VGLL1: variants seen among roughly 807,000 people sequenced by gnomAD.
VGLL1 encodes vestigial like family member 1, also known as transcription cofactor vestigial-like protein 1.
A neutral mutation model predicts 12.0 loss-of-function variants in VGLL1; 4 were observed. That is an observed-to-expected ratio of 0.33 (90% CI 0.16 to 0.76). The LOEUF is 0.76. VGLL1 is among the 30% of genes least tolerant of loss of function. The probability of loss-of-function intolerance (pLI) is 0.60; values close to 1 mark genes in which losing one functional copy is unlikely to be tolerated. For missense variants in VGLL1, 204 were observed against 208.7 expected, an observed-to-expected ratio of 0.98 and a Z score of 0.14; for synonymous variants, 87 against 81.2, an observed-to-expected ratio of 1.07 and a Z score of -0.39.
chrX:136,543,578 G>A lies in VGLL1; in HGVS notation c.215-5011G>A, dbSNP rs1425254056. On this transcript the variant is annotated intron_variant, in intron 2 of 4. Coordinates refer to ENST00000370634, the MANE Select transcript of VGLL1 (RefSeq NM_016267.4). Reference sequence around the variant, plus strand: ...TCAAAACCAGACTGGGCAACATAGAGAGACCCTGTCTCTACAAAAATATTT... The same window carrying A: ...TCAAAACCAGACTGGGCAACATAGAAAGACCCTGTCTCTACAAAAATATTT... 1.8e-5 allele frequency among the ~76,000 whole-genome samples: 2 copies of A among 110,946 alleles called. 1 individual carries two copies.
intron 3 of VGLL1, among the ~76,000 whole-genome samples, chrX:136,549,803 C>A (rs2075880634): frequency 8.9e-6 from 1 of 111,734 alleles, no homozygotes; most frequent in Admixed American, 9.5e-5. Context: ...TCAACCTACT[C>A]TGTTGCAAGA....
At chrX:136,545,931 G>T (rs749477145) in intron 2 of VGLL1, among the ~76,000 whole-genome samples, 1 of 111,768 alleles carries the variant, frequency 8.9e-6, no homozygotes, top group Admixed American at 9.4e-5. Context: ...TTTGTCTCAG[G>T]ACCAACAGCA....
chrX:136,556,521 A>C lies in VGLL1; in HGVS notation c.759A>C (p.Arg253=), dbSNP rs1171319897. The C allele has an allele frequency of 1.7e-6, 2 of 1,210,778 alleles. No homozygotes were observed. Among genetic ancestry groups the C allele is most frequent in the Non-Finnish European group, 2.2e-6 (2 of 894,552 alleles). The change falls in exon 5 of 5, where the codon CGA becomes CGC. Residue 253 remains arginine, a synonymous_variant. Transcript: ENST00000370634. ...TPPNHWGHPH[R]YLQHL ...CAAACCACTGGGGCCACCCACATCG[A>C]TACCTGCAGCATCTTTAGTCAAGTT... is the stretch of plus-strand genomic sequence containing the variant.
chrX:136,545,948 A>G (rs1161369616), intron 2 of VGLL1, among the ~76,000 whole-genome samples: 1 of 111,654 alleles, frequency 9.0e-6, no homozygotes, highest in Non-Finnish European at 1.9e-5. Flanking sequence ...AGCATCAGGA[A>G]TTCTAGAGGG....
At chrX:136,554,459 A>T (rs1282923910) in intron 4 of VGLL1, among the ~76,000 whole-genome samples, 1 of 111,358 alleles carries the variant, frequency 9.0e-6, no homozygotes, top group African/African-American at 3.3e-5. Context: ...AGAGGTAGGC[A>T]GGGGCCAGGT....
At chrX:136,532,597 C>A (rs1295835579) in intron 1 of VGLL1, among the ~76,000 whole-genome samples, 83 of 74,837 alleles carry the variant, frequency 1.1e-3, no homozygotes, top group African/African-American at 2.7e-3. Flanking sequence ...TTCTTTCTTT[C>A]TTTCTTTCTT....
intron 2 of VGLL1, among the ~76,000 whole-genome samples, chrX:136,541,675 A>G (rs2075856400): frequency 8.9e-6 from 1 of 112,094 alleles, no homozygotes; most frequent in African/African-American, 3.2e-5. Context: ...CAGCTAGGCC[A>G]TTCCAAGGAG....
Position 136,536,250 on chromosome X carries a change from G to A in VGLL1, c.214+16G>A, listed in dbSNP as rs373227402. The A allele has an allele frequency of 2.0e-5, 24 of 1,198,222 alleles. No individual in the cohort carries two copies. Among genetic ancestry groups the A allele is most frequent in the Non-Finnish European group, 2.4e-5 (21 of 886,379 alleles). ...CTGAAAAACGGTGAGCATGTGGGGA[G>A]GGAGGGAGCTGGGATTCCCTATCAA... On this transcript the variant is annotated intron_variant, in intron 2 of 4. Transcript: ENST00000370634.
chrX:136,547,658 T>C (rs752676381), intron 2 of VGLL1, among the ~76,000 whole-genome samples: 1 of 111,682 alleles, frequency 9.0e-6, no homozygotes, highest in South Asian at 3.7e-4. Context: ...CACAGGTAAG[T>C]GTTAAGCCCT....
intron 2 of VGLL1, among the ~76,000 whole-genome samples, chrX:136,539,264 C>A (rs902262426): frequency 8.9e-6 from 1 of 111,851 alleles, no homozygotes; most frequent in Non-Finnish European, 1.9e-5. Context: ...CAACTCTTGG[C>A]CTATTGCCCC....
intron 2 of VGLL1, among the ~76,000 whole-genome samples, chrX:136,544,981 A>C (rs1176457059): frequency 8.9e-6 from 1 of 112,284 alleles, no homozygotes; most frequent in Non-Finnish European, 1.9e-5. Context: ...TGAGTGTTGC[A>C]AACCAGTAAA....
chrX:136,548,606 A>G lies in VGLL1; in HGVS notation c.232A>G (p.Asn78Asp). ...CTTCTCAGATGATAGCATGTCTCCA[A>G]ATCAGTGGCGTTACTCGTCTCCATG... The part of the protein sequence containing the change: ...MLKNDDSMSP[N>D]QWRYSSPWTK... The change falls in exon 3 of 5, where the codon AAT (asparagine) becomes GAT (aspartate). Residue 78 changes from asparagine (N) to aspartate (D), a missense_variant. Physicochemically the swap from Asn to Asp is conservative, Grantham distance 23. Coordinates refer to ENST00000370634, the MANE Select transcript of VGLL1 (RefSeq NM_016267.4). 1 of 1,211,298 alleles carries G rather than the reference A, an allele frequency of 8.3e-7. No homozygotes were observed. The highest frequency in any genetic ancestry group is 1.1e-6 in the Non-Finnish European group (1 of 895,109).
At chrX:136,533,325 G>A (rs922581572) in intron 1 of VGLL1, among the ~76,000 whole-genome samples, 1 of 110,834 alleles carries the variant, frequency 9.0e-6, no homozygotes, top group African/African-American at 3.3e-5. Flanking sequence ...AATTGCCCAC[G>A]GACTGAGCTC....
chrX:136,543,691 G>A (rs1273052892), intron 2 of VGLL1, among the ~76,000 whole-genome samples: 2 of 109,680 alleles, frequency 1.8e-5, no homozygotes, highest in African/African-American at 3.3e-5. Flanking sequence ...TTGAGCCTGG[G>A]GAAACTGAGG....
chrX:136,553,084 G>A (rs2075891078), intron 4 of VGLL1, among the ~76,000 whole-genome samples: 1 of 110,999 alleles, frequency 9.0e-6, no homozygotes, highest in African/African-American at 3.3e-5. Flanking sequence ...GGCAGAGGGA[G>A]GTAACATGGA....
At chrX:136,542,555 C>A (rs972239642) in intron 2 of VGLL1, among the ~76,000 whole-genome samples, 1 of 112,571 alleles carries the variant, frequency 8.9e-6, no homozygotes, top group African/African-American at 3.2e-5. Flanking sequence ...GCTGGGTGCT[C>A]ATTACCCAGT....
chrX:136,537,720 C>T (rs1318578180), intron 2 of VGLL1, among the ~76,000 whole-genome samples: 1 of 109,178 alleles, frequency 9.2e-6, no homozygotes, highest in Non-Finnish European at 1.9e-5. Context: ...CCACCACACC[C>T]AGCTAATTTA....
chrX:136,535,908 T>C (rs1022331541), intron 1 of VGLL1, 88 bp from the exon 2 acceptor site: 1 of 763,406 alleles, frequency 1.3e-6, no homozygotes, highest in Non-Finnish European at 1.9e-6. Context: ...TGGGAGCAAA[T>C]TGCTTGCCCC....
At chrX:136,535,715 T>A (rs929226977) in intron 1 of VGLL1, among the ~76,000 whole-genome samples, 3 of 111,658 alleles carry the variant, frequency 2.7e-5, no homozygotes, top group African/African-American at 9.8e-5. Context: ...CATTTCCTGA[T>A]GCTCTCTCTA....
Sources: gnomAD v4.1 joint callset for allele counts (sites outside exome capture counted in the v4.1 genomes callset) on GRCh38, gnomAD v4.1.1 for gene constraint, MANE v1.5 for transcripts, NCBI Gene and HGNC (gene_info 2026-07-23, HGNC 2026-07-21) for gene names.